The following DLAT variants were observed in gnomAD, a reference collection of about 807,000 sequenced individuals.
DLAT encodes dihydrolipoyllysine-residue acetyltransferase component of pyruvate dehydrogenase complex, mitochondrial.
Under a neutral mutation model 68.0 loss-of-function variants are expected in DLAT, and 43 were observed. The ratio of observed to expected loss-of-function variants is 0.63; its 90% CI spans 0.50 to 0.81. The LOEUF (loss-of-function observed/expected upper bound fraction) is 0.81. DLAT is among the 40% of genes least tolerant of loss of function. The pLI, the probability that DLAT is intolerant of heterozygous loss-of-function variation, is 0.00. For missense variants in DLAT, 745 were observed against 815.4 expected (o/e 0.91, Z 1.05); for synonymous variants, 265 against 288.6 (o/e 0.92, Z 0.83).
chr11:112,035,790 C>CTTT (rs781796619), intron 5 of DLAT, among the ~76,000 whole-genome samples: 3 of 106,690 alleles, frequency 2.8e-5, no homozygotes, highest in African/African-American at 1.1e-4. Context: ...CGCACCCAGC[C>CTTT]TTTTTTTTTT....
At chr11:112,028,492 G>A in intron 2 of DLAT, 23 bp from the exon 3 acceptor site, 1 of 1,612,126 alleles carries the variant, frequency 6.2e-7, no homozygotes, top group Non-Finnish European at 8.5e-7. Flanking sequence ...ACAAACCTGA[G>A]CTACTGCTTT....
intron 4 of DLAT, among the ~76,000 whole-genome samples, chr11:112,031,885 GTTTTTTTTTTTTTTT>G (rs55866523): frequency 4.4e-5 from 2 of 45,352 alleles, no homozygotes; most frequent in Non-Finnish European, 7.4e-5. Context: ...GGTCTTTCCT[GTTTTTTTTTTTTTTT>G]TTTTTTTTTT....
At chr11:112,034,563 C>T (rs1862590048) in intron 5 of DLAT, among the ~76,000 whole-genome samples, 2 of 152,048 alleles carry the variant, frequency 1.3e-5, no homozygotes, top group African/African-American at 4.8e-5. Context: ...CTGCCTCAGC[C>T]TCCCGAGTAG....
At chr11:112,058,362 GTGTT>G (rs1555182807) in intron 11 of DLAT, among the ~76,000 whole-genome samples, 1 of 152,182 alleles carries the variant, frequency 6.6e-6, no homozygotes, top group African/African-American at 2.4e-5. Context: ...GCAGGTTCCT[GTGTT>G]TGTTTGCAAG....
chr11:112,039,586 A>T (rs182983834), intron 7 of DLAT, among the ~76,000 whole-genome samples, 189 bp downstream of exon 7: 4 of 152,168 alleles, frequency 2.6e-5, no homozygotes, highest in Admixed American at 2.6e-4. Flanking sequence ...ACTTTTACTG[A>T]GCTTTATTTA....
chr11:112,058,461 C>T (rs1864256351), intron 11 of DLAT, among the ~76,000 whole-genome samples: 1 of 152,022 alleles, frequency 6.6e-6, no homozygotes, highest in South Asian at 2.1e-4. Flanking sequence ...CTAGAAAGAG[C>T]TGGAGTTCTT....
chr11:112,031,772 G>T (rs1862411247), intron 4 of DLAT, among the ~76,000 whole-genome samples: 1 of 141,884 alleles, frequency 7.0e-6, no homozygotes, highest in African/African-American at 2.7e-5. Flanking sequence ...AAGAGATGAG[G>T]TTACATCATG....
At position 112,060,055 on chromosome 11, in the gene DLAT, A is replaced by G. The variant is rs371817260; in HGVS notation, c.1667A>G (p.His556Arg). 3.1e-6 allele frequency: 5 copies of G among 1,613,576 alleles called. No individual in the cohort carries two copies. The African/African-American group carries it at 4.0e-5, about 13-fold the overall frequency. Reference protein sequence around the residue: ...TKAREGKLQPHEFQGGTFTIS... With the variant: ...TKAREGKLQPREFQGGTFTIS... The stretch of plus-strand genomic sequence containing the variant: ...GCAAGAGAGGGTAAACTACAGCCAC[A>G]TGAATTCCAGGTAGGGTATTAATTA... Residue 556 changes from histidine to arginine, a missense_variant, in exon 12 of 14, where the codon CAT becomes CGT. His to Arg is a conservative substitution (Grantham distance 29). Coordinates refer to ENST00000280346, the MANE Select transcript of DLAT (RefSeq NM_001931.5).
At chr11:112,036,308 G>T (rs1862773069) in intron 5 of DLAT, among the ~76,000 whole-genome samples, 1 of 140,706 alleles carries the variant, frequency 7.1e-6, no homozygotes, top group Admixed American at 7.8e-5. Flanking sequence ...CCACCTCCTG[G>T]GTTCAAGTGA....
rs1555183216 is a variant in DLAT, at chr11:112,061,092, G to A, written c.1732G>A (p.Ala578Thr). The change falls in exon 13 of 14, where the codon GCT becomes ACT. Residue 578 changes from alanine (A) to threonine (T), a missense_variant. By Grantham distance (58) the Ala-to-Thr change is moderately conservative (BLOSUM62 0). Coordinates refer to ENST00000280346, the MANE Select transcript of DLAT (RefSeq NM_001931.5). ...LGMFGIKNFS[A>T]IINPPQACIL... is the part of the protein sequence containing the mutation. ...AATGTTTGGAATTAAGAATTTCTCTGCTATTATTAACCCACCTCAAGCATG... is the reference window on the plus strand; with the variant it reads ...AATGTTTGGAATTAAGAATTTCTCTACTATTATTAACCCACCTCAAGCATG... 2 of 1,613,618 alleles carry A rather than the reference G, an allele frequency of 1.2e-6. No individual in the cohort carries two copies. The highest frequency in any genetic ancestry group is 4.5e-5 in the East Asian group (2 of 44,862).
chr11:112,053,435 CTG>C (rs1555182165), intron 11 of DLAT, among the ~76,000 whole-genome samples: 1 of 151,920 alleles, frequency 6.6e-6, no homozygotes, highest in African/African-American at 2.4e-5. Flanking sequence ...GCAAACACAA[CTG>C]TTTGTTTTTT....
At position 112,028,569 on chromosome 11, in the gene DLAT, G is replaced by C; in HGVS notation, c.436G>C (p.Ala146Pro). The C allele has an allele frequency of 1.9e-6, 3 of 1,614,140 alleles. No individual in the cohort carries two copies. Among genetic ancestry groups the C allele is most frequent in the Non-Finnish European group, 2.5e-6 (3 of 1,180,024 alleles). ...GFESLEECYM[A>P]KILVAEGTRD... is the part of the protein sequence containing the mutation. ...TGAGAGCCTGGAGGAGTGTTATATG[G>C]CAAAGATACTTGTTGCTGAAGGTAC... Residue 146 changes from alanine to proline, a missense_variant, in exon 3 of 14, where the codon GCA becomes CCA. Transcript: ENST00000280346.
chr11:112,045,101 A>G, intron 8 of DLAT, 37 bp from the exon 9 acceptor site: 1 of 1,525,306 alleles, frequency 6.6e-7, no homozygotes, highest in Non-Finnish European at 9.1e-7. Context: ...CTAAGATTGA[A>G]TCACAGTTAC....
intron 8 of DLAT, among the ~76,000 whole-genome samples, chr11:112,044,469 C>G (rs1235185642): frequency 6.6e-6 from 1 of 152,156 alleles, no homozygotes; most frequent in Non-Finnish European, 1.5e-5. Flanking sequence ...TCCCAACCCC[C>G]TTTTCTTAAC....
rs782226091 is a variant in DLAT, at chr11:112,059,979, A to G, written c.1591A>G (p.Ile531Val). ...LITPIVFNAH[I>V]KGVETIANDV... ...CACACCTATTGTGTTTAATGCACAT[A>G]TAAAAGGAGTGGAAACCATTGCTAA... is the stretch of plus-strand genomic sequence containing the variant. Residue 531 changes from isoleucine to valine, a missense_variant, in exon 12 of 14, where the codon ATA becomes GTA. Ile to Val is a conservative substitution (Grantham distance 29). Transcript: ENST00000280346. 2 of 1,613,896 alleles carry G rather than the reference A, an allele frequency of 1.2e-6. No homozygotes were observed. The highest frequency in any genetic ancestry group is 8.5e-7 in the Non-Finnish European group (1 of 1,179,926).
rs782185799 is a variant in DLAT at position 112,045,875 on chromosome 11, C to T, written c.1303C>T (p.Arg435Ter). 4.4e-6 allele frequency: 7 copies of T among 1,603,836 alleles called. No individual in the cohort carries two copies. The highest frequency in any genetic ancestry group is 1.7e-5 in the Admixed American group (1 of 59,940). Residue 435 changes from arginine (R) to a stop codon, truncating the protein, a stop_gained, in exon 10 of 14, where the codon CGA (arginine) becomes TGA (stop). Coordinates refer to ENST00000280346, the MANE Select transcript of DLAT (RefSeq NM_001931.5). LOFTEE classifies it high-confidence loss of function. Reference sequence around the variant, plus strand: ...TCTTTGGTTTCAGGTTATTGCACAGCGATTAATGCAATCAAAGCAAACCAT... The same window carrying T: ...TCTTTGGTTTCAGGTTATTGCACAGTGATTAATGCAATCAAAGCAAACCAT... Reference protein sequence around the residue: ...ISNIRRVIAQRLMQSKQTIPH... With the variant: ...ISNIRRVIAQ
At position 112,048,277 on chromosome 11, in the gene DLAT, A is replaced by G. The variant is rs189791609; in HGVS notation, c.1398+2307A>G. On this transcript the variant is annotated intron_variant, in intron 10 of 13. Coordinates refer to ENST00000280346, the MANE Select transcript of DLAT (RefSeq NM_001931.5). ...CAATTTGGCTCTCTGTTTGTCTGTT[A>G]TTGGCGTGTAGGAATGCTTGTGATT... is the stretch of plus-strand genomic sequence containing the variant. Among the ~76,000 whole-genome samples, 153 of 152,066 alleles carry G rather than the reference A, an allele frequency of 1.0e-3. 2 individuals are homozygous for G. In the East Asian group the frequency reaches 0.028, roughly 28 times the overall value.
At chr11:112,039,507 A>G in intron 7 of DLAT, 110 bp downstream of exon 7, 2 of 1,122,332 alleles carry the variant, frequency 1.8e-6, no homozygotes, top group Admixed American at 1.8e-5. Context: ...TTGGGATAGT[A>G]GGGACAATCA....
At chr11:112,045,738 C>A in intron 9 of DLAT, 125 bp from the exon 10 acceptor site, 1 of 661,108 alleles carries the variant, frequency 1.5e-6, no homozygotes, top group Non-Finnish European at 2.6e-6. Context: ...AGTCCTCCAT[C>A]TTTCAATTAT....
Sources: gnomAD v4.1 joint callset for allele counts (sites outside exome capture counted in the v4.1 genomes callset) on GRCh38, gnomAD v4.1.1 for gene constraint, MANE v1.5 for transcripts, NCBI Gene and HGNC (gene_info 2026-07-23, HGNC 2026-07-21) for gene names.